C1QTNF7: variants seen among roughly 807,000 people sequenced by gnomAD.
C1QTNF7 encodes C1q and TNF related 7.
Under a neutral mutation model 19.6 loss-of-function variants are expected in C1QTNF7, and 15 were observed. That is an observed-to-expected ratio of 0.76 (90% confidence interval 0.51 to 1.18). C1QTNF7 has a LOEUF of 1.18. C1QTNF7 is among the 50% of genes most tolerant of loss of function. The pLI is 0.00. For synonymous variants in C1QTNF7, 142 were observed against 137.5 expected (o/e 1.03, Z -0.23); for missense variants, 324 against 359.7 (o/e 0.90, Z 0.80).
chr4:15,381,281 G>A (rs546768795), intron 1 of C1QTNF7, among the ~76,000 whole-genome samples: 1 of 151,992 alleles, frequency 6.6e-6, no homozygotes, highest in Non-Finnish European at 1.5e-5. Flanking sequence ...GCCAGGCATG[G>A]TGGTGGGTGC....
At chr4:15,365,470 C>T (rs551430186) in intron 1 of C1QTNF7, among the ~76,000 whole-genome samples, 183 of 152,238 alleles carry the variant, frequency 1.2e-3, no homozygotes, top group African/African-American at 4.2e-3. Context: ...GGTGATTTCA[C>T]GTGGTTCAAC....
At chr4:15,353,673 C>T (rs374273364) in intron 1 of C1QTNF7, among the ~76,000 whole-genome samples, 3 of 151,556 alleles carry the variant, frequency 2.0e-5, no homozygotes, top group South Asian at 2.1e-4. Context: ...AACCAGGGAG[C>T]GGGACAACTA....
chr4:15,377,013 A>G (rs1292290920), intron 1 of C1QTNF7, among the ~76,000 whole-genome samples: 2 of 152,354 alleles, frequency 1.3e-5, no homozygotes, highest in African/African-American at 2.4e-5. Flanking sequence ...ATAAATAACA[A>G]TGCTAATGGT....
In C1QTNF7 at chr4:15,391,997, G is replaced by C. The variant is rs573865171; in HGVS notation, c.14-43739G>C. ...GGGAGTGGGGAAAGCATTCCTGAGT[G>C]CCCAGGTCCTCAGCCTGGATTTAGT... is the stretch of plus-strand genomic sequence containing the variant. On this transcript the variant is annotated intron_variant, in intron 1 of 2. Transcript: ENST00000295297. Among the ~76,000 whole-genome samples the C allele has an allele frequency of 7.2e-5, 11 of 152,296 alleles. No individual in the cohort carries two copies. In the South Asian group the frequency reaches 2.1e-3, roughly 29 times the overall value.
At chr4:15,404,395 C>T (rs1056109868) in intron 1 of C1QTNF7, among the ~76,000 whole-genome samples, 1 of 152,162 alleles carries the variant, frequency 6.6e-6, no homozygotes, top group East Asian at 1.9e-4. Flanking sequence ...CTTAATCCTT[C>T]TCAGTCCTGA....
chr4:15,430,108 T>C (rs1300387911), intron 1 of C1QTNF7, among the ~76,000 whole-genome samples: 1 of 152,204 alleles, frequency 6.6e-6, no homozygotes, highest in African/African-American at 2.4e-5. Flanking sequence ...CAAAATACTA[T>C]ATACAACATT....
chr4:15,362,232 A>G (rs1717368528), intron 1 of C1QTNF7, among the ~76,000 whole-genome samples: 1 of 152,156 alleles, frequency 6.6e-6, no homozygotes. Context: ...GGTGATGTAT[A>G]AAGAGCTGAC....
At chr4:15,429,050 G>C (rs761147584) in intron 1 of C1QTNF7, among the ~76,000 whole-genome samples, 1 of 152,150 alleles carries the variant, frequency 6.6e-6, no homozygotes, top group Non-Finnish European at 1.5e-5. Flanking sequence ...GTGTGGACTT[G>C]AGCCCACAGA....
At chr4:15,406,908 C>T (rs1421505394) in intron 1 of C1QTNF7, among the ~76,000 whole-genome samples, 1 of 152,098 alleles carries the variant, frequency 6.6e-6, no homozygotes, top group Non-Finnish European at 1.5e-5. Context: ...GGTCTGATTA[C>T]AGCTGATTTC....
chr4:15,380,983 G>A (rs1718120772), intron 1 of C1QTNF7, among the ~76,000 whole-genome samples: 1 of 152,020 alleles, frequency 6.6e-6, no homozygotes, highest in African/African-American at 2.4e-5. Flanking sequence ...AGTGAATTGG[G>A]TTGGGTCTTG....
chr4:15,340,509 A>G (rs1716501933), intron 1 of C1QTNF7, among the ~76,000 whole-genome samples: 1 of 152,174 alleles, frequency 6.6e-6, no homozygotes, highest in Non-Finnish European at 1.5e-5. Flanking sequence ...AGCATTTGTC[A>G]GTGTGGTGAC....
chr4:15,442,475 A>G lies in C1QTNF7; in HGVS notation c.546A>G (p.Thr182=). 1.2e-6 allele frequency: 2 copies of G among 1,614,198 alleles called. No homozygotes were observed. The highest frequency in any genetic ancestry group is 1.7e-6 in the Non-Finnish European group (2 of 1,180,010). The change falls in exon 3 of 3, where the codon ACA becomes ACG. Residue 182 remains threonine (T), a synonymous_variant. Coordinates refer to ENST00000444304, the MANE Select transcript of C1QTNF7 (RefSeq NM_031911.5). ...FNEGEHYNPA[T]GKFICAFPGI... The stretch of plus-strand genomic sequence containing the variant: ...AGGGAGAGCACTACAACCCTGCCAC[A>G]GGGAAGTTCATCTGTGCTTTCCCAG...
chr4:15,427,981 A>G, upstream of C1QTNF7: 2 of 965,880 alleles, frequency 2.1e-6, no homozygotes, highest in Non-Finnish European at 2.5e-6. Flanking sequence ...CTATTTGGAA[A>G]TCTTTGAGAA....
chr4:15,403,035 C>T (rs546684018), intron 1 of C1QTNF7, among the ~76,000 whole-genome samples: 6 of 150,384 alleles, frequency 4.0e-5, no homozygotes, highest in African/African-American at 1.2e-4. Flanking sequence ...TAAGCAGATA[C>T]ATTTTCACAA....
chr4:15,408,592 G>A (rs1012489388), intron 1 of C1QTNF7, among the ~76,000 whole-genome samples: 26 of 152,026 alleles, frequency 1.7e-4, no homozygotes, highest in African/African-American at 4.3e-4. Context: ...GAATGATGAC[G>A]GTGGGAAGGG....
intron 1 of C1QTNF7, among the ~76,000 whole-genome samples, chr4:15,411,211 C>T (rs1451200236): frequency 6.6e-6 from 1 of 152,066 alleles, no homozygotes; most frequent in African/African-American, 2.4e-5. Context: ...TAACTTTTTC[C>T]CATTTTCTGG....
At chr4:15,383,361 C>T (rs1346691241) in intron 1 of C1QTNF7, among the ~76,000 whole-genome samples, 5 of 152,126 alleles carry the variant, frequency 3.3e-5, no homozygotes, top group South Asian at 2.1e-4. Flanking sequence ...AAAATGGTTA[C>T]GCTAATACCA....
chr4:15,410,099 G>A (rs904569843), intron 1 of C1QTNF7, among the ~76,000 whole-genome samples: 10 of 152,140 alleles, frequency 6.6e-5, no homozygotes, highest in Admixed American at 3.3e-4. Flanking sequence ...CCTTCCTGCC[G>A]TTAGCACTAA....
chr4:15,435,973 G>A lies in C1QTNF7; in HGVS notation c.230G>A (p.Gly77Glu). 1 of 1,612,804 alleles carries A rather than the reference G, an allele frequency of 6.2e-7. No individual in the cohort carries two copies. Among genetic ancestry groups the A allele is most frequent in the Non-Finnish European group, 8.5e-7 (1 of 1,179,422 alleles). The change falls in exon 2 of 3, where the codon GGA (glycine) becomes GAA (glutamate). Residue 77 changes from glycine (G) to glutamate (E), a missense_variant. By Grantham distance (98) the Gly-to-Glu change is moderately conservative. Coordinates refer to ENST00000444304, the MANE Select transcript of C1QTNF7 (RefSeq NM_031911.5). ...AGGAAAGGAGAGAAAGGTGAAAAGGGAACTGCAGGTAATGAATGAGAAGTT... is the reference window on the plus strand; with the variant it reads ...AGGAAAGGAGAGAAAGGTGAAAAGGAAACTGCAGGTAATGAATGAGAAGTT... ...DGRKGEKGEK[G>E]TAGLRGKTGP...
Sources: gnomAD v4.1 joint callset for allele counts (sites outside exome capture counted in the v4.1 genomes callset) on GRCh38, gnomAD v4.1.1 for gene constraint, MANE v1.5 for transcripts, NCBI Gene and HGNC (gene_info 2026-07-23, HGNC 2026-07-21) for gene names.